Variants in CACNG2 observed in about 807,000 individuals in gnomAD.
CACNG2 encodes the protein voltage-dependent calcium channel gamma-2 subunit.
In CACNG2, 3 loss-of-function variants were observed where a neutral mutation model predicts 25.9. The ratio of observed to expected loss-of-function variants is 0.12; its 90% CI spans 0.05 to 0.30. The LOEUF (loss-of-function observed/expected upper bound fraction) is 0.30. Among genes scored for constraint, CACNG2 ranks in the 10% least tolerant of loss-of-function variants. The probability of loss-of-function intolerance (pLI) is 1.00; values close to 1 mark genes in which losing one functional copy is unlikely to be tolerated. For missense variants in CACNG2, 341 were observed against 432.5 expected (o/e 0.79, Z 1.88); for synonymous variants, 167 against 173.3 (o/e 0.96, Z 0.29).
chr22:36,589,023 C>T (rs1394517505), intron 1 of CACNG2, among the ~76,000 whole-genome samples: 2 of 145,694 alleles, frequency 1.4e-5, no homozygotes, highest in Non-Finnish European at 3.0e-5. Context: ...TGGAGTCTCA[C>T]TCTGTCACCC....
chr22:36,690,266 C>T (rs1372414316), intron 1 of CACNG2, among the ~76,000 whole-genome samples: 4 of 152,124 alleles, frequency 2.6e-5, no homozygotes, highest in Admixed American at 6.5e-5. Context: ...GGGGGAAGTG[C>T]GAGGCACCTG....
intron 2 of CACNG2, among the ~76,000 whole-genome samples, chr22:36,582,247 G>A (rs1005078109): frequency 6.6e-5 from 10 of 152,044 alleles, no homozygotes; most frequent in African/African-American, 2.4e-4. Context: ...CCAAATTCTC[G>A]CTGCAACCCA....
chr22:36,580,338 G>A (rs1237481080), intron 2 of CACNG2, among the ~76,000 whole-genome samples: 1 of 152,094 alleles, frequency 6.6e-6, no homozygotes, highest in Non-Finnish European at 1.5e-5. Flanking sequence ...TCCTGCTGTT[G>A]GCTTCCCCCA....
chr22:36,631,041 G>C (rs532822301), intron 1 of CACNG2, among the ~76,000 whole-genome samples: 2 of 152,270 alleles, frequency 1.3e-5, no homozygotes, highest in South Asian at 4.2e-4. Context: ...ATGTTGGCCA[G>C]GCTGTTCTCG....
At chr22:36,640,587 T>A (rs1936428797) in intron 1 of CACNG2, among the ~76,000 whole-genome samples, 1 of 152,202 alleles carries the variant, frequency 6.6e-6, no homozygotes, top group Non-Finnish European at 1.5e-5. Flanking sequence ...TTTCCTCACC[T>A]GCAGGACGGG....
chr22:36,600,828 T>A (rs1935744846), intron 1 of CACNG2, among the ~76,000 whole-genome samples: 1 of 152,202 alleles, frequency 6.6e-6, no homozygotes, highest in Admixed American at 6.5e-5. Context: ...ATTATAGGCA[T>A]GAACCACCGC....
At chr22:36,627,839 G>A (rs779133909) in intron 1 of CACNG2, among the ~76,000 whole-genome samples, 17 of 151,712 alleles carry the variant, frequency 1.1e-4, no homozygotes, top group Non-Finnish European at 1.8e-4. Context: ...CAGGGTAACT[G>A]TTGTCACCTG....
chr22:36,597,198 A>AT (rs1458064656), intron 1 of CACNG2, among the ~76,000 whole-genome samples: 1 of 151,482 alleles, frequency 6.6e-6, no homozygotes, highest in Non-Finnish European at 1.5e-5. Flanking sequence ...AATTTTTTGT[A>AT]TTTTTAGTAG....
Position 36,561,141 on chromosome 22 carries a change from G to A in CACNG2, c.*3210C>T, listed in dbSNP as rs1935021542. On this transcript the variant is annotated 3_prime_UTR_variant, in exon 4 of 4. Transcript: ENST00000300105. The stretch of plus-strand genomic sequence containing the variant: ...TGGCGATGTCACCCCACACCCCAGT[G>A]GCTTTCTTCAAGCACACCCAGAACC... 6.6e-6 allele frequency: 1 copy of A among 152,190 alleles called. No individual in the cohort carries two copies. The highest frequency in any genetic ancestry group is 1.5e-5 in the Non-Finnish European group (1 of 68,066). The allele number at this position is 152,190 out of a possible 1,614,324, so 9.4% of individuals were successfully genotyped here.
At chr22:36,699,619 G>A (rs1311039234) in intron 1 of CACNG2, among the ~76,000 whole-genome samples, 1 of 141,698 alleles carries the variant, frequency 7.1e-6, no homozygotes, top group African/African-American at 2.7e-5. Context: ...TCCAGATTGG[G>A]CAGAAAACAC....
chr22:36,606,290 G>A lies in CACNG2; in HGVS notation c.212-18742C>T, dbSNP rs918876928. 7.9e-5 allele frequency among the ~76,000 whole-genome samples: 12 copies of A among 152,180 alleles called. No homozygotes were observed. Among genetic ancestry groups the A allele is most frequent in the African/African-American group, 2.7e-4 (11 of 41,428 alleles). ...AGGGCAGCGAGGGCGTTGGCTGGTC[G>A]CCGGGAACAAGCTGCCATGAGCCAG... On this transcript the variant is annotated intron_variant, in intron 1 of 3. Transcript: ENST00000300105. This position sits in a 1 kb window ranked among gnomAD's most constrained non-coding sequence, Gnocchi z 5.7.
At chr22:36,588,358 C>A (rs1458686993) in intron 1 of CACNG2, among the ~76,000 whole-genome samples, 7 of 152,142 alleles carry the variant, frequency 4.6e-5, no homozygotes, top group Non-Finnish European at 7.4e-5. Flanking sequence ...GGGGCAAATC[C>A]CAGCACAGTG....
rs567912763 is a variant in CACNG2 at position 36,642,503 on chromosome 22, T to A, written c.212-54955A>T. ...TACAGCTCCACCCACACACTGGGTC[T>A]CTGAGTCAGAAGGGCATGTTTCTGC... On this transcript the variant is annotated intron_variant, in intron 1 of 3. Coordinates refer to ENST00000300105, the MANE Select transcript of CACNG2 (RefSeq NM_006078.5). Among the ~76,000 whole-genome samples the A allele has an allele frequency of 8.5e-5, 13 of 152,236 alleles. 1 individual carries two copies. The highest frequency in any genetic ancestry group is 6.5e-5 in the Admixed American group (1 of 15,274).
chr22:36,643,140 C>CTCCTTCTTTCCTTTTTCCTTCCT, intron 1 of CACNG2, among the ~76,000 whole-genome samples: 1 of 149,500 alleles, frequency 6.7e-6, no homozygotes, highest in East Asian at 2.0e-4. Context: ...TTCTCTCTCT[C>CTCCTTCTTTCCTTTTTCCTTCCT]TCCTTCTTTC....
chr22:36,587,035 ACTG>A (rs1935517288), intron 2 of CACNG2, among the ~76,000 whole-genome samples: 1 of 151,474 alleles, frequency 6.6e-6, no homozygotes. Flanking sequence ...AGAAATATTC[ACTG>A]AGTGCTTATC....
intron 1 of CACNG2, among the ~76,000 whole-genome samples, chr22:36,618,466 C>T (rs1377127760): frequency 6.6e-6 from 1 of 152,242 alleles, no homozygotes; most frequent in East Asian, 1.9e-4. Context: ...TTCCTGTTAG[C>T]CACCAGGGCT....
chr22:36,566,985 G>T (rs550688726), intron 2 of CACNG2, among the ~76,000 whole-genome samples: 1 of 152,332 alleles, frequency 6.6e-6, no homozygotes, highest in Non-Finnish European at 1.5e-5. Context: ...AAAGTTATGA[G>T]CTCCCTCGTC....
chr22:36,702,426 T>C lies in CACNG2; in HGVS notation c.151A>G (p.Ser51Gly), dbSNP rs1937422287. 6.2e-7 allele frequency: 1 copy of C among 1,614,050 alleles called. No individual in the cohort carries two copies. The highest frequency in any genetic ancestry group is 1.3e-5 in the African/African-American group (1 of 74,898). ...GTCATAACTTCCTCGTTCTTTTTGC[T>C]GGTTTCATTCTCACTGACACTTTTG... ...KTKSVSENET[S>G]KKNEEVMTHS... The change falls in exon 1 of 4, where the codon AGC becomes GGC. Residue 51 changes from serine to glycine, a missense_variant. Physicochemically the swap from Ser to Gly is moderately conservative, Grantham distance 56. Around this residue, in one of 2 missense-constraint regions of CACNG2, gnomAD observed 169 missense variants for 254.4 expected, o/e 0.66. Coordinates refer to ENST00000300105, the MANE Select transcript of CACNG2 (RefSeq NM_006078.5).
intron 1 of CACNG2, among the ~76,000 whole-genome samples, chr22:36,661,415 G>A (rs1384309646): frequency 6.6e-6 from 1 of 152,168 alleles, no homozygotes; most frequent in Non-Finnish European, 1.5e-5. Context: ...AGTGACATGG[G>A]ACAAATCATC....
Sources: allele counts gnomAD v4.1 joint callset (sites outside exome capture counted in the v4.1 genomes callset), GRCh38; gene constraint gnomAD v4.1.1; regional missense constraint gnomAD v4.1.1; non-coding constraint Gnocchi (gnomAD v3.1); transcripts MANE v1.5; gene names NCBI Gene and HGNC (gene_info 2026-07-23, HGNC 2026-07-21).